Variants in GLT8D2 observed in about 807,000 individuals in gnomAD.
GLT8D2 encodes glycosyltransferase 8 domain-containing protein 2.
Under a neutral mutation model 44.5 loss-of-function variants are expected in GLT8D2, and 45 were observed. That is an observed-to-expected ratio of 1.01 (90% confidence interval 0.80 to 1.30). The LOEUF (loss-of-function observed/expected upper bound fraction) is 1.30, where lower values mean the gene tolerates loss of function less well. GLT8D2 is among the 50% of genes most tolerant of loss of function. The pLI is 0.00. For synonymous variants in GLT8D2, 156 were observed against 157.2 expected (o/e 0.99, Z 0.06); for missense variants, 400 against 430.4 (o/e 0.93, Z 0.62).
At position 104,042,924 on chromosome 12, in the gene GLT8D2, A is replaced by C. The variant is rs531895802; in HGVS notation, c.-164+6971T>G. 3.9e-5 allele frequency among the ~76,000 whole-genome samples: 6 copies of C among 152,310 alleles called. No homozygotes were observed. The East Asian group carries it at 1.2e-3, about 29-fold the overall frequency. ...GGTAGAGTAAAAGGCAGAGATCTGG[A>C]ACCAAGAGAAACTGGAATGGGGCAG... On this transcript the variant is annotated intron_variant, in intron 1 of 10. Transcript: ENST00000360814.
At chr12:104,037,863 T>C in intron 1 of GLT8D2, among the ~76,000 whole-genome samples, 1 of 152,168 alleles carries the variant, frequency 6.6e-6, no homozygotes, top group East Asian at 1.9e-4. Flanking sequence ...TTTAGACCAA[T>C]ATCCCTTATG....
intron 1 of GLT8D2, among the ~76,000 whole-genome samples, chr12:104,033,875 T>C (rs1052368290): frequency 4.0e-5 from 6 of 151,712 alleles, no homozygotes; most frequent in African/African-American, 1.5e-4. Context: ...TGGAGTGTAG[T>C]AGTGCAATCA....
At chr12:104,015,436 A>ACACACACACACACAC (rs1555278722) in intron 3 of GLT8D2, among the ~76,000 whole-genome samples, 7 of 148,458 alleles carry the variant, frequency 4.7e-5, no homozygotes, top group South Asian at 4.3e-4. Context: ...ACACACACAC[A>ACACACACACACACAC]AATTAGCTGG....
intron 1 of GLT8D2, among the ~76,000 whole-genome samples, chr12:104,063,421 C>G (rs981281907): frequency 6.6e-6 from 1 of 152,184 alleles, no homozygotes; most frequent in Admixed American, 6.5e-5. Flanking sequence ...TGGCTCATGC[C>G]TGTAGTTCCA....
intron 4 of GLT8D2, among the ~76,000 whole-genome samples, chr12:104,014,642 T>C (rs1876318146): frequency 6.6e-6 from 1 of 152,140 alleles, no homozygotes; most frequent in South Asian, 2.1e-4. Flanking sequence ...TCCAAAGAGA[T>C]GGAGTGTGGA....
chr12:104,048,953 T>C (rs2583258), intron 1 of GLT8D2, among the ~76,000 whole-genome samples: 136,006 of 152,250 alleles, frequency 0.89, 60,871 homozygotes, highest in East Asian at 1. Flanking sequence ...AGTGGCAGCA[T>C]GTAGATTCAG....
intron 1 of GLT8D2, among the ~76,000 whole-genome samples, chr12:104,032,879 ATT>A (rs35467561): frequency 4.2e-5 from 6 of 143,034 alleles, no homozygotes; most frequent in African/African-American, 2.6e-5. Context: ...TTGCAGCACT[ATT>A]TTTTTTTTTT....
rs7133444 is a variant in GLT8D2, at chr12:103,996,779, C to A, written c.556G>T (p.Asp186Tyr). The A allele has an allele frequency of 7.4e-6, 12 of 1,614,036 alleles. No homozygotes were observed. In the African/African-American group the frequency reaches 1.2e-4, roughly 16 times the overall value. The change falls in exon 8 of 11, where the codon GAT (aspartate) becomes TAT (tyrosine). Residue 186 changes from aspartate (D) to tyrosine (Y), a missense_variant. Physicochemically the swap from Asp to Tyr is radical, Grantham distance 160 (BLOSUM62 -3). Coordinates refer to ENST00000360814, the MANE Select transcript of GLT8D2 (RefSeq NM_001384711.1). ...GHAAAFSDDC[D>Y]LPSAQDINRL... ...TTTATGTCCTGAGCAGAGGGCAAAT[C>A]GCAGTCATCTGAGAAAGCCGCCGCG...
In GLT8D2 at chr12:104,021,710, G is replaced by A. The variant is rs534230103; in HGVS notation, c.-163-219C>T. ...AGGTTGAGGAAGGAGGATCACTTGAGCCCAGGAGGTTGAGGCTGCAGTGAG... is the reference window on the plus strand; with the variant it reads ...AGGTTGAGGAAGGAGGATCACTTGAACCCAGGAGGTTGAGGCTGCAGTGAG... On this transcript the variant is annotated intron_variant, in intron 1 of 10. Coordinates refer to ENST00000360814, the MANE Select transcript of GLT8D2 (RefSeq NM_001384711.1). 7.9e-5 allele frequency among the ~76,000 whole-genome samples: 12 copies of A among 151,414 alleles called. No homozygotes were observed. In the South Asian group the frequency reaches 1.9e-3, roughly 24 times the overall value.
At chr12:104,012,827 T>C (rs1876054105) in intron 4 of GLT8D2, 1 of 696,728 alleles carries the variant, frequency 1.4e-6, no homozygotes, top group Non-Finnish European at 2.6e-6. Flanking sequence ...ACTGGTATCC[T>C]AATAAAAGGA....
intron 1 of GLT8D2, among the ~76,000 whole-genome samples, chr12:104,042,999 T>A (rs1880722665): frequency 6.6e-6 from 1 of 152,174 alleles, no homozygotes; most frequent in Non-Finnish European, 1.5e-5. Context: ...TGCAAAGAAC[T>A]GCACCACAGG....
chr12:104,044,468 G>A (rs1218059900), intron 1 of GLT8D2, among the ~76,000 whole-genome samples: 2 of 152,236 alleles, frequency 1.3e-5, no homozygotes, highest in African/African-American at 4.8e-5. Flanking sequence ...CCAAAGGGAT[G>A]AATGTGCAAC....
intron 1 of GLT8D2, among the ~76,000 whole-genome samples, chr12:104,029,947 T>C (rs1404392436): frequency 1.3e-5 from 2 of 152,094 alleles, no homozygotes; most frequent in African/African-American, 2.4e-5. Context: ...TGTAGTCCCT[T>C]TCAAAATTCC....
intron 6 of GLT8D2, among the ~76,000 whole-genome samples, chr12:103,998,325 C>T (rs1873752216): frequency 6.6e-6 from 1 of 151,650 alleles, no homozygotes; most frequent in African/African-American, 2.4e-5. Flanking sequence ...GCCTCGAACT[C>T]CCAGACTCAA....
intron 10 of GLT8D2, among the ~76,000 whole-genome samples, chr12:103,990,061 T>C (rs559287741): frequency 6.4e-4 from 93 of 145,838 alleles, no homozygotes; most frequent in African/African-American, 2.3e-3. Context: ...TCTATGTATG[T>C]CTAGTGTATG....
In GLT8D2 at chr12:104,062,005, C is replaced by A. The variant is rs182114467; in HGVS notation, c.-423+1944G>T. Among the ~76,000 whole-genome samples the A allele has an allele frequency of 5.0e-4, 75 of 149,162 alleles. 1 individual carries two copies. The East Asian group carries it at 0.011, about 22-fold the overall frequency. ...AAAAAAAAAAAAAAATGGGTTAATACTCAGTGAGAGGGAGAATTTAAGAAG... is the reference window on the plus strand; with the variant it reads ...AAAAAAAAAAAAAAATGGGTTAATAATCAGTGAGAGGGAGAATTTAAGAAG... On this transcript the variant is annotated intron_variant, in intron 1 of 10. Transcript: ENST00000548660.
chr12:103,993,343 AT>A, intron 10 of GLT8D2, 48 bp downstream of exon 10: 1 of 1,417,672 alleles, frequency 7.1e-7, no homozygotes, highest in Non-Finnish European at 9.9e-7. Context: ...AAATACAAAA[AT>A]AAAATGGACA....
chr12:103,991,367 T>C (rs1275893895), intron 10 of GLT8D2, among the ~76,000 whole-genome samples: 4 of 152,140 alleles, frequency 2.6e-5, no homozygotes, highest in Non-Finnish European at 4.4e-5. Context: ...TTCATATTTT[T>C]AGTAGAGATG....
intron 1 of GLT8D2, among the ~76,000 whole-genome samples, chr12:104,048,741 A>G (rs1175222684): frequency 1.3e-5 from 2 of 152,196 alleles, no homozygotes; most frequent in African/African-American, 4.8e-5. Flanking sequence ...GTTGCCAAAA[A>G]CAGGATGCAT....
Sources: gnomAD v4.1 joint callset for allele counts (sites outside exome capture counted in the v4.1 genomes callset) on GRCh38, gnomAD v4.1.1 for gene constraint, MANE v1.5 for transcripts, NCBI Gene and HGNC (gene_info 2026-07-23, HGNC 2026-07-21) for gene names.